TSPEAR: variants seen among roughly 807,000 people sequenced by gnomAD.
The protein encoded by TSPEAR is thrombospondin-type laminin G domain and EAR repeat-containing protein.
Under a neutral mutation model 71.6 loss-of-function variants are expected in TSPEAR, and 69 were observed. The observed-to-expected ratio is 0.96, with a 90% CI of 0.79 to 1.18. TSPEAR has a LOEUF of 1.18. TSPEAR is among the 50% of genes most tolerant of loss of function. The pLI is 0.00. For missense variants in TSPEAR, 971 were observed against 894.9 expected, an observed-to-expected ratio of 1.09 and a Z score of -1.09; for synonymous variants, 402 against 387.2, an observed-to-expected ratio of 1.04 and a Z score of -0.45.
At chr21:44,628,181 G>A in intron 1 of TSPEAR, 2 of 1,183,828 alleles carry the variant, frequency 1.7e-6, no homozygotes, top group African/African-American at 1.6e-5. Flanking sequence ...CCCAGCCCCG[G>A]GGTCTCAGAT....
intron 1 of TSPEAR, chr21:44,637,862 C>A: frequency 3.9e-6 from 6 of 1,531,970 alleles, no homozygotes; most frequent in Non-Finnish European, 5.3e-6. Flanking sequence ...CTGCTGTGTG[C>A]CTGTCTGCTC....
At chr21:44,517,006 G>A (rs1555913534) in intron 9 of TSPEAR, among the ~76,000 whole-genome samples, 1 of 152,156 alleles carries the variant, frequency 6.6e-6, no homozygotes, top group African/African-American at 2.4e-5. Flanking sequence ...AGCGGCTGCT[G>A]CACAGGAAGG....
intron 1 of TSPEAR, among the ~76,000 whole-genome samples, chr21:44,582,211 G>A (rs1555925233): frequency 1.3e-5 from 2 of 152,220 alleles, no homozygotes; most frequent in Non-Finnish European, 2.9e-5. Context: ...CGCGTGAGGG[G>A]TGACTCTGCA....
At position 44,587,679 on chromosome 21, in the gene TSPEAR, A is replaced by G. The variant is rs143945619; in HGVS notation, c.83-19674T>C. On this transcript the variant is annotated intron_variant, in intron 1 of 11. Coordinates refer to ENST00000323084, the MANE Select transcript of TSPEAR (RefSeq NM_144991.3). ...ACAGCATTGGTATAAAAATAGGCAC[A>G]TAGACCAATGGAACAGAATAGAGAA... 4.3e-3 allele frequency among the ~76,000 whole-genome samples: 659 copies of G among 152,378 alleles called. 10 individuals carry two copies. The highest frequency in any genetic ancestry group is 0.024 in the Middle Eastern group (7 of 294).
Position 44,648,842 on chromosome 21 carries a change from G to A in TSPEAR, c.82+62591C>T, listed in dbSNP as rs116066724. ...CTGACATGCAGGTCTGCTGGTGGCC[G>A]TGTGTCCATGCAACTGTCCAAGCCC... is the stretch of plus-strand genomic sequence containing the variant. On this transcript the variant is annotated intron_variant, in intron 1 of 11. Transcript: ENST00000323084. Among the ~76,000 whole-genome samples the A allele has an allele frequency of 9.2e-3, 1,399 of 152,344 alleles. 19 individuals carry two copies. The highest frequency in any genetic ancestry group is 0.032 in the African/African-American group (1,324 of 41,578).
intron 1 of TSPEAR, among the ~76,000 whole-genome samples, chr21:44,615,460 G>C (rs1555932212): frequency 6.6e-6 from 1 of 152,208 alleles, no homozygotes. Flanking sequence ...AAATAGCTGG[G>C]GGATTAAAGA....
chr21:44,517,899 C>CA (rs1275403389), intron 9 of TSPEAR: 10 of 469,534 alleles, frequency 2.1e-5, no homozygotes, highest in African/African-American at 2.0e-4. Context: ...GAGATCTGGG[C>CA]GGTTTTCTTC....
At chr21:44,621,541 T>C (rs1422832631) in intron 1 of TSPEAR, among the ~76,000 whole-genome samples, 2 of 152,228 alleles carry the variant, frequency 1.3e-5, no homozygotes, top group Non-Finnish European at 2.9e-5. Flanking sequence ...AGGGCCATCA[T>C]GTCCCCAGGT....
chr21:44,552,925 A>ACT (rs1292835662), intron 2 of TSPEAR, among the ~76,000 whole-genome samples: 2 of 152,220 alleles, frequency 1.3e-5, no homozygotes, highest in African/African-American at 4.8e-5. Context: ...CTGAAGACGC[A>ACT]GGGCAGTCAG....
chr21:44,591,702 G>T (rs233303), intron 1 of TSPEAR: 384,024 of 1,611,948 alleles, frequency 0.24, 46,178 homozygotes, highest in East Asian at 0.29. Flanking sequence ...GGGAGGAGGT[G>T]CAGCAAGCTG....
chr21:44,646,840 C>G, intron 1 of TSPEAR: 2 of 1,575,624 alleles, frequency 1.3e-6, no homozygotes, highest in Admixed American at 1.8e-5. Context: ...TTCGTGCTGC[C>G]GGCAGTCTAG....
chr21:44,505,075 AATTTTATTTT>A (rs1290987867), intron 10 of TSPEAR, among the ~76,000 whole-genome samples, 194 bp from the exon 11 acceptor site: 2 of 152,122 alleles, frequency 1.3e-5, no homozygotes, highest in African/African-American at 4.8e-5. Context: ...AAAAATTTCA[AATTTTATTTT>A]ATTTTATTTT....
chr21:44,626,257 C>T (rs1555934296), intron 1 of TSPEAR, among the ~76,000 whole-genome samples: 1 of 152,226 alleles, frequency 6.6e-6, no homozygotes, highest in Admixed American at 6.5e-5. Context: ...TTTTATAAGG[C>T]AAGAAGCTCG....
At chr21:44,677,918 T>A in intron 1 of TSPEAR, 1 of 1,396,946 alleles carries the variant, frequency 7.2e-7, no homozygotes, top group Non-Finnish European at 1.0e-6. Context: ...CACCAATACC[T>A]CCACCAAAAA....
Position 44,697,774 on chromosome 21 carries a change from C to G in TSPEAR, c.82+13659G>C, listed in dbSNP as rs543873004. On this transcript the variant is annotated intron_variant, in intron 1 of 11. Coordinates refer to ENST00000323084, the MANE Select transcript of TSPEAR (RefSeq NM_144991.3). ...GCTGCACCACCTCCTGCTGCAGACCCTCCTCCTCCGTGTCCCTCCTCTGCC... is the reference window on the plus strand; with the variant it reads ...GCTGCACCACCTCCTGCTGCAGACCGTCCTCCTCCGTGTCCCTCCTCTGCC... The G allele has an allele frequency of 3.7e-6, 6 of 1,614,034 alleles. No homozygotes were observed. The East Asian group carries it at 6.7e-5, about 18-fold the overall frequency.
At chr21:44,588,701 T>TTTGTATATTTATAC (rs139256853) in intron 1 of TSPEAR, among the ~76,000 whole-genome samples, 2 of 143,028 alleles carry the variant, frequency 1.4e-5, no homozygotes, top group Non-Finnish European at 3.0e-5. Context: ...TATATATTTA[T>TTTGTATATTTATAC]ATATATAAAC....
At chr21:44,556,706 TTGC>T in intron 2 of TSPEAR, among the ~76,000 whole-genome samples, 1 of 152,016 alleles carries the variant, frequency 6.6e-6, no homozygotes, top group Non-Finnish European at 1.5e-5. Flanking sequence ...ATAATAGAAG[TTGC>T]TCCAGGGATT....
At chr21:44,529,387 G>A (rs911632873) in intron 5 of TSPEAR, among the ~76,000 whole-genome samples, 4 of 152,248 alleles carry the variant, frequency 2.6e-5, no homozygotes, top group Admixed American at 1.3e-4. Context: ...CGACTGGGGC[G>A]GGCTGGTCTG....
chr21:44,522,517 C>G (rs1034237840), intron 8 of TSPEAR, among the ~76,000 whole-genome samples: 5 of 152,244 alleles, frequency 3.3e-5, no homozygotes, highest in African/African-American at 1.2e-4. Context: ...TGTGGAGCTC[C>G]CCCATTGGGT....
Sources: gnomAD v4.1 joint callset for allele counts (sites outside exome capture counted in the v4.1 genomes callset) on GRCh38, gnomAD v4.1.1 for gene constraint, MANE v1.5 for transcripts, NCBI Gene and HGNC (gene_info 2026-07-23, HGNC 2026-07-21) for gene names.